Variants in TBC1D16 observed in about 807,000 individuals in gnomAD.
The protein encoded by TBC1D16 is TBC1 domain family member 16.
Under a neutral mutation model 74.7 loss-of-function variants are expected in TBC1D16, and 58 were observed. The ratio of observed to expected loss-of-function variants is 0.78; its 90% CI spans 0.63 to 0.97. The LOEUF is 0.97. TBC1D16 is among the 50% of genes least tolerant of loss of function. The pLI is 0.00. For missense variants in TBC1D16, 1,014 were observed against 1,079.5 expected (o/e 0.94, Z 0.85); for synonymous variants, 493 against 474.7 (o/e 1.04, Z -0.50).
Position 80,001,938 on chromosome 17 carries a change from G to T in TBC1D16, c.779+8222C>A, listed in dbSNP as rs1393350786. On this transcript the variant is annotated intron_variant, in intron 3 of 11. Coordinates refer to ENST00000310924, the MANE Select transcript of TBC1D16 (RefSeq NM_019020.4). This position sits in a 1 kb window ranked among gnomAD's most constrained non-coding sequence, Gnocchi z 5.8. ...TTTGCTGGGCAGCTGCTGCGCCCCG[G>T]AACAAAGACGGGAAGGGCAAAGTGT... Among the ~76,000 whole-genome samples the T allele has an allele frequency of 1.3e-5, 2 of 152,106 alleles. No individual in the cohort carries two copies. Among genetic ancestry groups the T allele is most frequent in the East Asian group, 3.9e-4 (2 of 5,184 alleles).
At chr17:79,976,211 T>C (rs1479645910) in intron 3 of TBC1D16, among the ~76,000 whole-genome samples, 1 of 152,248 alleles carries the variant, frequency 6.6e-6, no homozygotes, top group Admixed American at 6.5e-5. Context: ...GTACCCTACA[T>C]GTCGATGCCG....
At chr17:79,953,039 A>C (rs2033158321) in intron 3 of TBC1D16, 1 of 435,632 alleles carries the variant, frequency 2.3e-6, no homozygotes, top group Non-Finnish European at 4.0e-6. Flanking sequence ...TTTCATGATC[A>C]AATTCCATTC....
rs1283006058 is a variant in TBC1D16, at chr17:80,007,453, G to A, written c.779+2707C>T. ...ATAACTCAGGATGATGCCAGGACTG[G>A]AAACAGATCTGTCGGACCCCAAAAT... On this transcript the variant is annotated intron_variant, in intron 3 of 11. Transcript: ENST00000310924. This position sits in a 1 kb window ranked among gnomAD's most constrained non-coding sequence, Gnocchi z 4.5. Among the ~76,000 whole-genome samples, 1 of 152,206 alleles carries A rather than the reference G, an allele frequency of 6.6e-6. No individual in the cohort carries two copies. The highest frequency in any genetic ancestry group is 2.4e-5 in the African/African-American group (1 of 41,456).
In TBC1D16 at chr17:79,950,359, C is replaced by T. The variant is rs370352928; in HGVS notation, c.1257+52G>A. The T allele has an allele frequency of 3.3e-6, 5 of 1,531,560 alleles. No homozygotes were observed. The highest frequency in any genetic ancestry group is 1.4e-5 in the African/African-American group (1 of 72,738). 94.9% of individuals were successfully genotyped at this position (1,531,560 alleles called of 1,614,324 possible). A position where few individuals can be genotyped will look rare whatever the true frequency, so the allele number is the denominator to read the frequency against. On this transcript the variant is annotated intron_variant, in intron 6 of 11. Transcript: ENST00000310924. This position sits in a 1 kb window ranked among gnomAD's most constrained non-coding sequence, Gnocchi z 4.6. Reference sequence around the variant, plus strand: ...GGCCCTCCTTCCCTCTCGCTCGTTCCCGGTTCCCGGCCGGCTCTCCGCGGG... The same window carrying T: ...GGCCCTCCTTCCCTCTCGCTCGTTCTCGGTTCCCGGCCGGCTCTCCGCGGG...
At chr17:80,003,964 G>A (rs1430999039) in intron 3 of TBC1D16, among the ~76,000 whole-genome samples, 6 of 152,380 alleles carry the variant, frequency 3.9e-5, no homozygotes, top group South Asian at 4.1e-4. Flanking sequence ...TGGGAGGATC[G>A]CTCGAGCCCG....
rs2034517310 is a variant in TBC1D16 at position 79,980,077 on chromosome 17, C to T, written c.780-27259G>A. ...CAGCTCACCGTGCCGTGGAGGGTGG[C>T]CGCGAGGTTCATCTGGGCCTCCGAG... On this transcript the variant is annotated intron_variant, in intron 3 of 11. Coordinates refer to ENST00000310924, the MANE Select transcript of TBC1D16 (RefSeq NM_019020.4). The surrounding 1 kb of genome is among the most constrained non-coding windows in gnomAD (Gnocchi z 7.0). 1.3e-5 allele frequency among the ~76,000 whole-genome samples: 2 copies of T among 152,142 alleles called. No individual in the cohort carries two copies. Among genetic ancestry groups the T allele is most frequent in the African/African-American group, 2.4e-5 (1 of 41,420 alleles).
chr17:79,962,387 G>A lies in TBC1D16; in HGVS notation c.780-9569C>T, dbSNP rs536020464. On this transcript the variant is annotated intron_variant, in intron 3 of 11. Coordinates refer to ENST00000310924, the MANE Select transcript of TBC1D16 (RefSeq NM_019020.4). ...CCGCCACCACGCCTGGCTAATTTTT[G>A]TATTTTTAGTAGAGATGGGGTTTCA... Among the ~76,000 whole-genome samples the A allele has an allele frequency of 5.3e-5, 8 of 151,226 alleles. No homozygotes were observed. In the East Asian group the frequency reaches 1.6e-3, roughly 30 times the overall value.
At position 79,981,060 on chromosome 17, in the gene TBC1D16, T is replaced by C. The variant is rs2034558533; in HGVS notation, c.780-28242A>G. On this transcript the variant is annotated intron_variant, in intron 3 of 11. Transcript: ENST00000310924. The surrounding 1 kb of genome is among the most constrained non-coding windows in gnomAD (Gnocchi z 6.9). ...GACCTTGGCTACTCATTTATATTCA[T>C]TTAAATTCCATCCACACACTTGTCA... Among the ~76,000 whole-genome samples, 1 of 152,244 alleles carries C rather than the reference T, an allele frequency of 6.6e-6. No homozygotes were observed. The highest frequency in any genetic ancestry group is 1.5e-5 in the Non-Finnish European group (1 of 68,036).
In TBC1D16 at chr17:79,952,889, C is replaced by T; in HGVS notation, c.780-71G>A. On this transcript the variant is annotated intron_variant, in intron 3 of 11. Coordinates refer to ENST00000310924, the MANE Select transcript of TBC1D16 (RefSeq NM_019020.4). The stretch of plus-strand genomic sequence containing the variant: ...ACACTACCCAGAGGGGGACGGGGGT[C>T]ATGGGGGAGTCATTTAAACCTACGC... 4 of 1,522,958 alleles carry T rather than the reference C, an allele frequency of 2.6e-6. No homozygotes were observed. In the South Asian group the frequency reaches 4.9e-5, roughly 19 times the overall value. The allele number at this position is 1,522,958 out of a possible 1,614,324, so 94.3% of individuals were successfully genotyped here. A position where few individuals can be genotyped will look rare whatever the true frequency, so the allele number is the denominator to read the frequency against.
chr17:80,024,604 G>GACACACACACCACACACCATAC (rs2036469433), intron 1 of TBC1D16, among the ~76,000 whole-genome samples: 2 of 121,012 alleles, frequency 1.7e-5, no homozygotes, highest in Admixed American at 8.1e-5. Flanking sequence ...ACACACCATA[G>GACACACACACCACACACCATAC]ACACACACAC....
intron 3 of TBC1D16, among the ~76,000 whole-genome samples, chr17:79,976,489 C>T (rs553008657): frequency 2.6e-5 from 4 of 152,328 alleles, no homozygotes; most frequent in Non-Finnish European, 4.4e-5. Context: ...ACGCCTGAAA[C>T]GAATGACTGC....
intron 1 of TBC1D16, chr17:80,023,775 G>A: frequency 6.7e-6 from 1 of 150,096 alleles, no homozygotes; most frequent in Non-Finnish European, 1.5e-5. Flanking sequence ...GTTGTGTCAG[G>A]CCGCCCTCAT....
intron 3 of TBC1D16, among the ~76,000 whole-genome samples, chr17:79,974,968 T>C (rs1376010830): frequency 6.6e-6 from 1 of 152,228 alleles, no homozygotes; most frequent in Non-Finnish European, 1.5e-5. Flanking sequence ...GTTTTTGCCT[T>C]TGACCTGGGG....
At chr17:80,023,486 C>T (rs993215419) in intron 1 of TBC1D16, among the ~76,000 whole-genome samples, 1 of 150,074 alleles carries the variant, frequency 6.7e-6, no homozygotes, top group Non-Finnish European at 1.5e-5. Flanking sequence ...GCCCACAGCC[C>T]CTGCGGCCAC....
intron 3 of TBC1D16, among the ~76,000 whole-genome samples, chr17:79,962,460 C>T (rs1001422385): frequency 6.6e-6 from 1 of 151,688 alleles, no homozygotes; most frequent in Admixed American, 6.6e-5. Context: ...GTGATCCGCC[C>T]ACCTTGCCTC....
chr17:80,032,872 CA>C lies in TBC1D16; in HGVS notation c.-63+2922del, dbSNP rs574072695. On this transcript the variant is annotated intron_variant, in intron 1 of 11. Coordinates refer to ENST00000310924, the MANE Select transcript of TBC1D16 (RefSeq NM_019020.4). Reference sequence around the variant, plus strand: ...CTTACAAGAGAATTTAGGCCTGTGACAAAAATCAGGGTCCCTCAGCCAGGGA... The same window carrying C: ...CTTACAAGAGAATTTAGGCCTGTGACAAAATCAGGGTCCCTCAGCCAGGGA... Among the ~76,000 whole-genome samples the C allele has an allele frequency of 7.2e-5, 11 of 152,260 alleles. No homozygotes were observed. In the East Asian group the frequency reaches 2.1e-3, roughly 29 times the overall value.
At chr17:79,969,337 C>T (rs1405760310) in intron 3 of TBC1D16, among the ~76,000 whole-genome samples, 1 of 151,958 alleles carries the variant, frequency 6.6e-6, no homozygotes, top group Non-Finnish European at 1.5e-5. Context: ...AGTGAGCCAA[C>T]ACTGCACCAC....
rs2035211384 is a variant in TBC1D16 at position 79,994,931 on chromosome 17, A to G, written c.779+15229T>C. 6.6e-6 allele frequency among the ~76,000 whole-genome samples: 1 copy of G among 152,210 alleles called. No homozygotes were observed. Among genetic ancestry groups the G allele is most frequent in the African/African-American group, 2.4e-5 (1 of 41,448 alleles). On this transcript the variant is annotated intron_variant, in intron 3 of 11. Coordinates refer to ENST00000310924, the MANE Select transcript of TBC1D16 (RefSeq NM_019020.4). The surrounding 1 kb of genome is among the most constrained non-coding windows in gnomAD (Gnocchi z 4.6). ...ACTGATCCCACATTGGAATGATACT[A>G]TTTTGAACAAGCTGGGTAATTTACA...
At position 79,944,106 on chromosome 17, in the gene TBC1D16, C is replaced by A; in HGVS notation, c.1908+802G>T. On this transcript the variant is annotated intron_variant, in intron 10 of 11. Coordinates refer to ENST00000310924, the MANE Select transcript of TBC1D16 (RefSeq NM_019020.4). The surrounding 1 kb of genome is among the most constrained non-coding windows in gnomAD (Gnocchi z 7.7). ...GACTCGCTTTCATCAGACATCAGCC[C>A]CCTGCGGTGTGAGTGAGGACAGGAG... 6.5e-7 allele frequency: 1 copy of A among 1,536,002 alleles called. No homozygotes were observed. Among genetic ancestry groups the A allele is most frequent in the East Asian group, 2.4e-5 (1 of 40,898 alleles).
Sources: allele counts gnomAD v4.1 joint callset (sites outside exome capture counted in the v4.1 genomes callset), GRCh38; gene constraint gnomAD v4.1.1; non-coding constraint Gnocchi (gnomAD v3.1); transcripts MANE v1.5; gene names NCBI Gene and HGNC (gene_info 2026-07-23, HGNC 2026-07-21).